Variants in GRID1 observed in about 807,000 individuals in gnomAD.
The protein encoded by GRID1 is glutamate receptor ionotropic, delta-1.
Under a neutral mutation model 98.0 loss-of-function variants are expected in GRID1, and 28 were observed. That is an observed-to-expected ratio of 0.29 (90% CI 0.21 to 0.39). The LOEUF (loss-of-function observed/expected upper bound fraction) is 0.39, where lower values mean the gene tolerates loss of function less well. Ranked by LOEUF, GRID1 falls within the 10% of genes least tolerant of loss-of-function variation. GRID1 has a pLI of 1.00. For synonymous variants in GRID1, 553 were observed against 538.5 expected, an observed-to-expected ratio of 1.03 and a Z score of -0.37; for missense variants, 1,111 against 1,340.5, an observed-to-expected ratio of 0.83 and a Z score of 2.67.
intron 5 of GRID1, among the ~76,000 whole-genome samples, chr10:85,910,442 G>T (rs1211811175): frequency 6.6e-6 from 1 of 152,192 alleles, no homozygotes; most frequent in Non-Finnish European, 1.5e-5. Context: ...GGATAGGGAA[G>T]ATTTGAAAGT....
intron 12 of GRID1, among the ~76,000 whole-genome samples, chr10:85,670,514 A>C (rs545356170): frequency 6.6e-6 from 1 of 152,346 alleles, no homozygotes; most frequent in Non-Finnish European, 1.5e-5. Flanking sequence ...TCAGAAGTTT[A>C]AAATGGCACC....
At chr10:85,813,465 A>T (rs1191438750) in intron 8 of GRID1, among the ~76,000 whole-genome samples, 1 of 151,160 alleles carries the variant, frequency 6.6e-6, no homozygotes, top group Admixed American at 6.6e-5. Context: ...AAACGCTGAA[A>T]AAAAAAAAAG....
intron 12 of GRID1, among the ~76,000 whole-genome samples, chr10:85,676,290 G>A (rs937759131): frequency 7.2e-5 from 11 of 152,000 alleles, no homozygotes; most frequent in Non-Finnish European, 1.3e-4. Flanking sequence ...TATCTCTTCC[G>A]CAGCCCACAG....
chr10:86,207,043 C>T (rs77359146), intron 2 of GRID1, among the ~76,000 whole-genome samples: 2,301 of 152,274 alleles, frequency 0.015, 47 homozygotes, highest in African/African-American at 0.048. Flanking sequence ...GCCAAAACGT[C>T]ATTGTGTTGA....
intron 2 of GRID1, among the ~76,000 whole-genome samples, chr10:86,227,187 AG>A (rs1846365051): frequency 6.6e-6 from 1 of 152,214 alleles, no homozygotes; most frequent in African/African-American, 2.4e-5. Flanking sequence ...GCCTGGGGAA[AG>A]GAGAAGCCTG....
intron 13 of GRID1, among the ~76,000 whole-genome samples, chr10:85,644,557 T>C (rs919246958): frequency 6.6e-6 from 1 of 152,252 alleles, no homozygotes; most frequent in Non-Finnish European, 1.5e-5. Context: ...CATTTCATTG[T>C]AGACAACATC....
At chr10:85,850,532 G>A (rs975024010) in intron 8 of GRID1, among the ~76,000 whole-genome samples, 15 of 152,224 alleles carry the variant, frequency 9.9e-5, no homozygotes, top group Admixed American at 2.0e-4. Context: ...GATCCCAGCT[G>A]CACCAGCTCA....
At chr10:86,263,540 C>G (rs1288007655) in intron 2 of GRID1, among the ~76,000 whole-genome samples, 1 of 152,210 alleles carries the variant, frequency 6.6e-6, no homozygotes, top group African/African-American at 2.4e-5. Flanking sequence ...CTACAGGCAG[C>G]GAGAACAGAG....
intron 4 of GRID1, among the ~76,000 whole-genome samples, chr10:86,006,146 A>G (rs1842857913): frequency 6.6e-6 from 1 of 152,208 alleles, no homozygotes; most frequent in Admixed American, 6.5e-5. Flanking sequence ...AAGTCCTAAA[A>G]CAGATATTAT....
intron 2 of GRID1, among the ~76,000 whole-genome samples, chr10:86,354,467 C>T (rs1589460259): frequency 6.6e-6 from 1 of 152,198 alleles, no homozygotes; most frequent in East Asian, 1.9e-4. Flanking sequence ...CTAAGCACCC[C>T]TCTCTCGGGC....
rs1403182621 is a variant in GRID1, at chr10:86,366,269, T to C, written c.79+45A>G. On this transcript the variant is annotated intron_variant, in intron 1 of 15. Transcript: ENST00000327946. This position sits in a 1 kb window ranked among gnomAD's most constrained non-coding sequence, Gnocchi z 4.1. ...TGGACGCCGCGCACCCCCTGCCCCG[T>C]TGGGGCCCCCGCCCAGCCTCGGCCC... The C allele has an allele frequency of 3.6e-6, 5 of 1,372,410 alleles. No individual in the cohort carries two copies. Among genetic ancestry groups the C allele is most frequent in the African/African-American group, 3.1e-5 (2 of 65,158 alleles). 85.0% of individuals were successfully genotyped at this position (1,372,410 alleles called of 1,614,324 possible). A position where few individuals can be genotyped will look rare whatever the true frequency, so the allele number is the denominator to read the frequency against.
At chr10:86,103,622 C>G (rs1397969167) in intron 4 of GRID1, among the ~76,000 whole-genome samples, 1 of 152,228 alleles carries the variant, frequency 6.6e-6, no homozygotes, top group Non-Finnish European at 1.5e-5. Flanking sequence ...GTAATGCCTT[C>G]TTAGGGGACA....
intron 4 of GRID1, among the ~76,000 whole-genome samples, chr10:86,121,305 C>A (rs984535586): frequency 2.0e-5 from 3 of 151,604 alleles, no homozygotes; most frequent in African/African-American, 7.3e-5. Flanking sequence ...ATCATCACCA[C>A]CATCACCATC....
chr10:86,308,208 C>T (rs766360206), intron 2 of GRID1, among the ~76,000 whole-genome samples: 5 of 152,222 alleles, frequency 3.3e-5, no homozygotes, highest in Admixed American at 6.5e-5. Flanking sequence ...TGCCCCACCT[C>T]CAGAAGCAGT....
intron 4 of GRID1, among the ~76,000 whole-genome samples, chr10:86,136,019 T>A (rs192541404): frequency 1.1e-3 from 172 of 152,312 alleles, no homozygotes; most frequent in African/African-American, 3.9e-3. Flanking sequence ...AGACATTTAC[T>A]CCTCCTTAAC....
At chr10:85,832,315 C>A (rs970417927) in intron 8 of GRID1, among the ~76,000 whole-genome samples, 5 of 152,008 alleles carry the variant, frequency 3.3e-5, no homozygotes, top group African/African-American at 1.2e-4. Context: ...ATAAGAGCCC[C>A]AGCATTCAAT....
At chr10:86,078,855 C>T (rs1843923981) in intron 4 of GRID1, among the ~76,000 whole-genome samples, 1 of 152,220 alleles carries the variant, frequency 6.6e-6, no homozygotes, top group Non-Finnish European at 1.5e-5. Context: ...CATGGATGCC[C>T]CTGAGGGGAG....
intron 2 of GRID1, among the ~76,000 whole-genome samples, chr10:86,243,036 T>C (rs768199004): frequency 8.5e-5 from 13 of 152,162 alleles, no homozygotes; most frequent in Admixed American, 1.3e-4. Flanking sequence ...ACAAGAGTTA[T>C]AATAATGCCC....
At chr10:86,278,805 A>G (rs910153701) in intron 2 of GRID1, among the ~76,000 whole-genome samples, 5 of 152,246 alleles carry the variant, frequency 3.3e-5, no homozygotes, top group African/African-American at 9.6e-5. Context: ...GGAAAACTCT[A>G]GGCCCTGATG....
Sources: gnomAD v4.1 joint callset for allele counts (sites outside exome capture counted in the v4.1 genomes callset) on GRCh38, gnomAD v4.1.1 for gene constraint, Gnocchi (gnomAD v3.1) non-coding constraint, MANE v1.5 for transcripts, NCBI Gene and HGNC (gene_info 2026-07-23, HGNC 2026-07-21) for gene names.